The following PRKN variants were observed in gnomAD, a reference collection of about 807,000 sequenced individuals.
PRKN encodes parkin RBR E3 ubiquitin protein ligase, also known as E3 ubiquitin-protein ligase parkin.
A neutral mutation model predicts 59.5 loss-of-function variants in PRKN; 56 were observed. The ratio of observed to expected loss-of-function variants is 0.94; its 90% CI spans 0.76 to 1.18. The LOEUF (loss-of-function observed/expected upper bound fraction) is 1.18. PRKN is among the 50% of genes most tolerant of loss of function. The pLI is 0.00. For synonymous variants in PRKN, 250 were observed against 222.1 expected (o/e 1.13, Z -1.12); for missense variants, 657 against 596.4 (o/e 1.10, Z -1.06).
chr6:162,070,781 T>C (rs1312286593), intron 4 of PRKN, among the ~76,000 whole-genome samples: 1 of 152,188 alleles, frequency 6.6e-6, no homozygotes, highest in Non-Finnish European at 1.5e-5. Context: ...GAGAATCTCA[T>C]GCTGCCACTG....
chr6:161,665,253 T>A lies in PRKN; in HGVS notation c.872-95837A>T, dbSNP rs907455324. ...TTCCTAAATCTGGGATATGGCTATTTTTTTCTGTTGAAAAACCAAAAAAGG... is the reference window on the plus strand; with the variant it reads ...TTCCTAAATCTGGGATATGGCTATTATTTTCTGTTGAAAAACCAAAAAAGG... On this transcript the variant is annotated intron_variant, in intron 7 of 11. Transcript: ENST00000366898. Among the ~76,000 whole-genome samples, 7 of 152,290 alleles carry A rather than the reference T, an allele frequency of 4.6e-5. No homozygotes were observed. In the South Asian group the frequency reaches 1.2e-3, roughly 27 times the overall value.
At position 161,466,122 on chromosome 6, in the gene PRKN, T is replaced by C. The variant is rs1476214111; in HGVS notation, c.1084-79245A>G. Among the ~76,000 whole-genome samples, 1 of 152,132 alleles carries C rather than the reference T, an allele frequency of 6.6e-6. No individual in the cohort carries two copies. The highest frequency in any genetic ancestry group is 2.4e-5 in the African/African-American group (1 of 41,426). On this transcript the variant is annotated intron_variant, in intron 9 of 11. Transcript: ENST00000366898. The surrounding 1 kb of genome is among the most constrained non-coding windows in gnomAD (Gnocchi z 5.0). ...ACACTTAAGACCTAGTCTTAGCACA[T>C]TTCAAGTACACAATACAACATTATT...
chr6:162,173,960 G>A (rs1049514038), intron 4 of PRKN, among the ~76,000 whole-genome samples: 7 of 152,138 alleles, frequency 4.6e-5, no homozygotes, highest in African/African-American at 1.4e-4. Context: ...GAAATAAGAC[G>A]TGTTTATAGA....
At chr6:162,648,029 C>G (rs1032983564) in intron 1 of PRKN, among the ~76,000 whole-genome samples, 4 of 149,830 alleles carry the variant, frequency 2.7e-5, no homozygotes, top group African/African-American at 9.8e-5. Flanking sequence ...AATATTCCCC[C>G]ACATCACCCA....
At chr6:161,743,839 G>T (rs567352820) in intron 7 of PRKN, among the ~76,000 whole-genome samples, 1 of 152,142 alleles carries the variant, frequency 6.6e-6, no homozygotes, top group Non-Finnish European at 1.5e-5. Flanking sequence ...ATAAATCATC[G>T]AGAAGTCTGG....
At chr6:162,411,148 G>A (rs561949179) in intron 2 of PRKN, among the ~76,000 whole-genome samples, 23 of 152,224 alleles carry the variant, frequency 1.5e-4, no homozygotes, top group Admixed American at 2.6e-4. Context: ...AAAAGGTTAC[G>A]TTGCAGGGAT....
intron 2 of PRKN, among the ~76,000 whole-genome samples, chr6:162,435,312 A>G (rs559741507): frequency 2.0e-5 from 3 of 152,034 alleles, no homozygotes; most frequent in Non-Finnish European, 2.9e-5. Context: ...CACAGACTAT[A>G]TATCTTCAGC....
chr6:162,313,348 GAGTATTT>G (rs1782608417), intron 2 of PRKN, among the ~76,000 whole-genome samples: 1 of 152,124 alleles, frequency 6.6e-6, no homozygotes, highest in Admixed American at 6.6e-5. Context: ...GTAGTTCACA[GAGTATTT>G]TTCTTTTTGT....
At chr6:161,830,088 C>A (rs1792420020) in intron 6 of PRKN, among the ~76,000 whole-genome samples, 1 of 152,036 alleles carries the variant, frequency 6.6e-6, no homozygotes, top group Non-Finnish European at 1.5e-5. Flanking sequence ...CTTACTGTCC[C>A]ACTTGTAGGG....
intron 2 of PRKN, among the ~76,000 whole-genome samples, chr6:162,304,582 CCTGT>C (rs1346989367): frequency 6.7e-6 from 1 of 149,836 alleles, no homozygotes; most frequent in Non-Finnish European, 1.5e-5. Context: ...TATCCATCTA[CCTGT>C]CTATCTATCT....
intron 7 of PRKN, among the ~76,000 whole-genome samples, chr6:161,641,724 T>C (rs906538909): frequency 3.9e-5 from 6 of 152,242 alleles, no homozygotes; most frequent in African/African-American, 1.4e-4. Flanking sequence ...TCATCTGATA[T>C]TTTGCATCAT....
intron 6 of PRKN, among the ~76,000 whole-genome samples, chr6:161,833,166 C>T (rs1385107034): frequency 6.6e-6 from 1 of 152,004 alleles, no homozygotes; most frequent in Non-Finnish European, 1.5e-5. Flanking sequence ...TCTAAGAGCC[C>T]CCTTTTCTGA....
chr6:161,838,796 A>C lies in PRKN; in HGVS notation c.735-52888T>G, dbSNP rs538551348. Among the ~76,000 whole-genome samples the C allele has an allele frequency of 4.6e-5, 7 of 152,188 alleles. No individual in the cohort carries two copies. In the South Asian group the frequency reaches 1.5e-3, roughly 32 times the overall value. ...CACAAACACGGCTCTTGCAGCTTTCACCCTGAGCTCGCCCTGCGCCAGGGC... is the reference window on the plus strand; with the variant it reads ...CACAAACACGGCTCTTGCAGCTTTCCCCCTGAGCTCGCCCTGCGCCAGGGC... On this transcript the variant is annotated intron_variant, in intron 6 of 11. Coordinates refer to ENST00000366898, the MANE Select transcript of PRKN (RefSeq NM_004562.3).
At chr6:162,725,470 G>A (rs1433656362) in intron 1 of PRKN, among the ~76,000 whole-genome samples, 1 of 152,068 alleles carries the variant, frequency 6.6e-6, no homozygotes, top group African/African-American at 2.4e-5. Flanking sequence ...CTGAAATGTG[G>A]CTAATGAGGC....
intron 2 of PRKN, among the ~76,000 whole-genome samples, chr6:162,432,600 A>C (rs2128163728): frequency 6.6e-6 from 1 of 152,336 alleles, no homozygotes; most frequent in Non-Finnish European, 1.5e-5. Context: ...GTATGTATTT[A>C]ATCTGCAAGG....
intron 4 of PRKN, among the ~76,000 whole-genome samples, chr6:162,122,305 T>C (rs1780947786): frequency 6.6e-6 from 1 of 152,186 alleles, no homozygotes; most frequent in Admixed American, 6.5e-5. Flanking sequence ...CCTGCAGCAG[T>C]GAGTGCTCAG....
chr6:161,992,051 C>T (rs1781669027), intron 5 of PRKN, among the ~76,000 whole-genome samples: 1 of 151,954 alleles, frequency 6.6e-6, no homozygotes, highest in South Asian at 2.1e-4. Context: ...TAAAAAGAGA[C>T]AAAGAAGGCT....
chr6:161,455,077 C>T (rs1279431545), intron 9 of PRKN, among the ~76,000 whole-genome samples: 24 of 148,684 alleles, frequency 1.6e-4, no homozygotes, highest in African/African-American at 5.7e-4. Context: ...CTCACTCTGT[C>T]GCCCAGGCTG....
At chr6:161,606,816 G>A (rs1473963351) in intron 7 of PRKN, among the ~76,000 whole-genome samples, 1 of 152,204 alleles carries the variant, frequency 6.6e-6, no homozygotes, top group African/African-American at 2.4e-5. Context: ...CTCATACAGT[G>A]AGCAGTAAGA....
Sources: gnomAD v4.1 joint callset for allele counts (sites outside exome capture counted in the v4.1 genomes callset) on GRCh38, gnomAD v4.1.1 for gene constraint, Gnocchi (gnomAD v3.1) non-coding constraint, MANE v1.5 for transcripts, NCBI Gene and HGNC (gene_info 2026-07-23, HGNC 2026-07-21) for gene names.